Variants in GPC6 observed in about 807,000 individuals in gnomAD.
GPC6 encodes glypican-6.
In GPC6, 14 loss-of-function variants were observed where a neutral mutation model predicts 55.2. The ratio of observed to expected loss-of-function variants is 0.25; its 90% CI spans 0.17 to 0.40. GPC6 has a LOEUF of 0.40. Among genes scored for constraint, GPC6 ranks in the 10% least tolerant of loss-of-function variants. The pLI, the probability that GPC6 is intolerant of heterozygous loss-of-function variation, is 1.00. For missense variants in GPC6, 641 were observed against 708.5 expected (o/e 0.90, Z 1.08); for synonymous variants, 278 against 259.6 (o/e 1.07, Z -0.68).
intron 2 of GPC6, among the ~76,000 whole-genome samples, chr13:93,734,652 T>C (rs577416863): frequency 6.6e-6 from 1 of 152,300 alleles, no homozygotes; most frequent in South Asian, 2.1e-4. Context: ...CAAATTGTGA[T>C]GGAGATATTG....
At chr13:93,924,801 G>A (rs1278685615) in intron 3 of GPC6, among the ~76,000 whole-genome samples, 1 of 149,558 alleles carries the variant, frequency 6.7e-6, no homozygotes, top group East Asian at 2.0e-4. Context: ...CATTAGTTAA[G>A]TTATGATGTC....
intron 1 of GPC6, among the ~76,000 whole-genome samples, chr13:93,380,012 AG>A (rs972059325): frequency 6.7e-6 from 1 of 150,234 alleles, no homozygotes; most frequent in African/African-American, 2.4e-5. Context: ...ATCTCTTAGC[AG>A]GGGTAAGGCG....
chr13:93,823,970 A>G (rs1887143495), intron 2 of GPC6, among the ~76,000 whole-genome samples: 1 of 152,190 alleles, frequency 6.6e-6, no homozygotes, highest in Non-Finnish European at 1.5e-5. Context: ...CAAAGGAATT[A>G]TTGCTTAAAG....
chr13:93,632,986 A>G (rs756457499), intron 2 of GPC6, among the ~76,000 whole-genome samples: 9 of 152,208 alleles, frequency 5.9e-5, no homozygotes, highest in African/African-American at 1.4e-4. Context: ...TCTGGATTCA[A>G]TACAAATTTT....
At chr13:93,537,185 A>G (rs1882096259) in intron 1 of GPC6, among the ~76,000 whole-genome samples, 1 of 152,176 alleles carries the variant, frequency 6.6e-6, no homozygotes, top group Non-Finnish European at 1.5e-5. Context: ...ACTTAGCAAC[A>G]TTAGATGATC....
chr13:93,865,028 AT>A (rs1358224489), intron 3 of GPC6, among the ~76,000 whole-genome samples: 1 of 151,754 alleles, frequency 6.6e-6, no homozygotes, highest in African/African-American at 2.4e-5. Context: ...AGCTTAGGAC[AT>A]TAAGTGCCTC....
chr13:93,856,930 GA>G (rs1395075850), intron 3 of GPC6, among the ~76,000 whole-genome samples: 1 of 151,534 alleles, frequency 6.6e-6, no homozygotes, highest in Non-Finnish European at 1.5e-5. Context: ...AGAAGTCAAA[GA>G]AAAATAGCAG....
chr13:93,777,715 G>A lies in GPC6; in HGVS notation c.320-52439G>A, dbSNP rs148074149. On this transcript the variant is annotated intron_variant, in intron 2 of 8. Coordinates refer to ENST00000377047, the MANE Select transcript of GPC6 (RefSeq NM_005708.5). ...AATTCCAAAGCTAATGTGTACAAGGGTTATTGCTAATGCCTGGTGCATGCT... is the reference window on the plus strand; with the variant it reads ...AATTCCAAAGCTAATGTGTACAAGGATTATTGCTAATGCCTGGTGCATGCT... Among the ~76,000 whole-genome samples, 209 of 152,234 alleles carry A rather than the reference G, an allele frequency of 1.4e-3. 1 individual carries two copies. The highest frequency in any genetic ancestry group is 4.9e-3 in the African/African-American group (202 of 41,546).
chr13:94,060,072 C>G (rs1884267120), intron 4 of GPC6, among the ~76,000 whole-genome samples: 1 of 152,030 alleles, frequency 6.6e-6, no homozygotes, highest in African/African-American at 2.4e-5. Flanking sequence ...ACAGAAAAAA[C>G]AATTTCAGCC....
intron 1 of GPC6, among the ~76,000 whole-genome samples, chr13:93,299,091 A>G (rs1331002147): frequency 6.6e-6 from 1 of 152,106 alleles, no homozygotes; most frequent in Non-Finnish European, 1.5e-5. Flanking sequence ...GTTTCTTTCA[A>G]CATCTTGTTT....
At chr13:94,338,005 G>GACTT (rs1327372641) in intron 6 of GPC6, among the ~76,000 whole-genome samples, 1 of 152,218 alleles carries the variant, frequency 6.6e-6, no homozygotes, top group African/African-American at 2.4e-5. Context: ...ACGTTAAGAA[G>GACTT]ACTTTCTGCC....
At chr13:93,846,770 C>T (rs1203483271) in intron 3 of GPC6, among the ~76,000 whole-genome samples, 5 of 152,096 alleles carry the variant, frequency 3.3e-5, no homozygotes, top group Non-Finnish European at 5.9e-5. Flanking sequence ...GCTGAGATTG[C>T]GCCATTGCAC....
intron 5 of GPC6, among the ~76,000 whole-genome samples, chr13:94,297,988 A>G (rs540205622): frequency 6.6e-6 from 1 of 152,316 alleles, no homozygotes; most frequent in African/African-American, 2.4e-5. Context: ...AGATCTAAGG[A>G]TGAATAACTG....
At chr13:93,861,099 G>A (rs890607200) in intron 3 of GPC6, among the ~76,000 whole-genome samples, 8 of 151,224 alleles carry the variant, frequency 5.3e-5, no homozygotes, top group South Asian at 2.1e-4. Flanking sequence ...GAGTAGATCC[G>A]TGTAAACCCC....
intron 4 of GPC6, among the ~76,000 whole-genome samples, chr13:94,108,828 G>C (rs949846235): frequency 6.7e-6 from 1 of 149,976 alleles, no homozygotes; most frequent in Non-Finnish European, 1.5e-5. Context: ...AGCAACAAGA[G>C]CGAGACTCCG....
At position 94,324,647 on chromosome 13, in the gene GPC6, G is replaced by A. The variant is rs530963368; in HGVS notation, c.1152+18524G>A. 2.2e-3 allele frequency among the ~76,000 whole-genome samples: 336 copies of A among 151,622 alleles called. 1 individual carries two copies. The highest frequency in any genetic ancestry group is 7.8e-3 in the African/African-American group (322 of 41,402). ...AGTTAAGACTTACGGCACAAAGATA[G>A]CAGATAAGAGGCACAGAGATAAGGG... On this transcript the variant is annotated intron_variant, in intron 6 of 8. Transcript: ENST00000377047.
At chr13:93,377,710 T>A (rs1874976382) in intron 1 of GPC6, among the ~76,000 whole-genome samples, 1 of 152,228 alleles carries the variant, frequency 6.6e-6, no homozygotes, top group Admixed American at 6.5e-5. Flanking sequence ...ATGAACACCC[T>A]GATTTTAAAT....
At chr13:94,357,973 T>C (rs1878876627) in intron 6 of GPC6, among the ~76,000 whole-genome samples, 1 of 152,216 alleles carries the variant, frequency 6.6e-6, no homozygotes, top group African/African-American at 2.4e-5. Flanking sequence ...TGAATGTTTG[T>C]TGACTGAATG....
intron 3 of GPC6, among the ~76,000 whole-genome samples, chr13:93,921,745 G>A (rs143860420): frequency 8.8e-4 from 134 of 151,720 alleles, no homozygotes; most frequent in African/African-American, 3.1e-3. Flanking sequence ...CAGCATTTGG[G>A]TGTGAAAACA....
Sources: allele counts gnomAD v4.1 joint callset (sites outside exome capture counted in the v4.1 genomes callset), GRCh38; gene constraint gnomAD v4.1.1; transcripts MANE v1.5; gene names NCBI Gene and HGNC (gene_info 2026-07-23, HGNC 2026-07-21).